CSMD3: variants seen among roughly 807,000 people sequenced by gnomAD.
CSMD3 encodes the protein CUB and Sushi multiple domains 3.
In CSMD3, 177 loss-of-function variants were observed where a neutral mutation model predicts 435.2. That is an observed-to-expected ratio of 0.41 (90% CI 0.36 to 0.46). CSMD3 has a LOEUF of 0.46. Ranked by LOEUF, CSMD3 falls within the 20% of genes least tolerant of loss-of-function variation. The pLI, the probability that CSMD3 is intolerant of heterozygous loss-of-function variation, is 0.34. For missense variants in CSMD3, 4,265 were observed against 4,504.6 expected (o/e 0.95, Z 1.52); for synonymous variants, 1,656 against 1,520.5 (o/e 1.09, Z -2.07).
chr8:112,620,956 G>A (rs1834021324), intron 22 of CSMD3, among the ~76,000 whole-genome samples: 1 of 152,152 alleles, frequency 6.6e-6, no homozygotes, highest in Non-Finnish European at 1.5e-5. Context: ...TATATGGCAG[G>A]CCAGGTGCAG....
chr8:113,136,641 A>G (rs541644250), intron 4 of CSMD3, among the ~76,000 whole-genome samples: 107 of 151,602 alleles, frequency 7.1e-4, no homozygotes, highest in Non-Finnish European at 1.2e-3. Flanking sequence ...AGAAACCAGG[A>G]TTTAGTAGAT....
intron 18 of CSMD3, among the ~76,000 whole-genome samples, chr8:112,652,130 C>A (rs750801350): frequency 8.5e-5 from 13 of 152,138 alleles, no homozygotes; most frequent in Non-Finnish European, 1.9e-4. Flanking sequence ...TCAAAGTCGT[C>A]ACCCTGAAAA....
At chr8:113,147,822 T>C (rs1256943035) in intron 4 of CSMD3, among the ~76,000 whole-genome samples, 2 of 151,676 alleles carry the variant, frequency 1.3e-5, no homozygotes, top group Non-Finnish European at 2.9e-5. Context: ...ATAACACTCA[T>C]GAATAACAAA....
chr8:112,998,208 A>G (rs2131054604), intron 6 of CSMD3, among the ~76,000 whole-genome samples: 1 of 152,006 alleles, frequency 6.6e-6, no homozygotes, highest in East Asian at 1.9e-4. Context: ...TTTAATGAAT[A>G]TTATTCAGTG....
intron 27 of CSMD3, among the ~76,000 whole-genome samples, chr8:112,540,843 A>G (rs146626501): frequency 3.3e-4 from 50 of 152,142 alleles, no homozygotes; most frequent in African/African-American, 1.2e-3. Flanking sequence ...CACAAATTCT[A>G]TTGTTCAATA....
chr8:112,484,629 A>G (rs1819943280), intron 31 of CSMD3, among the ~76,000 whole-genome samples: 1 of 152,056 alleles, frequency 6.6e-6, no homozygotes, highest in Non-Finnish European at 1.5e-5. Flanking sequence ...GTACAATGAG[A>G]ATCCATATGA....
intron 13 of CSMD3, among the ~76,000 whole-genome samples, chr8:112,722,870 T>G (rs1404208704): frequency 6.6e-6 from 1 of 152,180 alleles, no homozygotes; most frequent in African/African-American, 2.4e-5. Context: ...GATGACTCAC[T>G]TGTAACTGAA....
chr8:112,753,901 TG>T (rs938954533), intron 13 of CSMD3, among the ~76,000 whole-genome samples: 1 of 152,202 alleles, frequency 6.6e-6, no homozygotes, highest in Non-Finnish European at 1.5e-5. Flanking sequence ...TTTGTTTTTG[TG>T]GTCTTCATGA....
At chr8:113,167,348 A>G (rs2092172441) in intron 4 of CSMD3, among the ~76,000 whole-genome samples, 1 of 152,162 alleles carries the variant, frequency 6.6e-6, no homozygotes, top group Admixed American at 6.6e-5. Flanking sequence ...CATTTAATCT[A>G]ATTTCTTTAA....
chr8:113,242,260 C>T (rs1024740775), intron 3 of CSMD3, among the ~76,000 whole-genome samples: 1 of 151,718 alleles, frequency 6.6e-6, no homozygotes, highest in Non-Finnish European at 1.5e-5. Context: ...TACATTTTAC[C>T]TTAATGAACA....
intron 3 of CSMD3, among the ~76,000 whole-genome samples, chr8:113,238,648 C>A (rs1278708552): frequency 6.6e-6 from 1 of 152,140 alleles, no homozygotes; most frequent in Admixed American, 6.5e-5. Flanking sequence ...CTAAAGGACA[C>A]TTCCAGCTCG....
At chr8:112,287,036 A>T in intron 58 of CSMD3, 28 bp downstream of exon 58, 1 of 1,581,058 alleles carries the variant, frequency 6.3e-7, no homozygotes, top group East Asian at 2.2e-5. Flanking sequence ...CAGTAGTTGC[A>T]ATATATTTAA....
chr8:112,343,001 T>TTTATATATATATTTA (rs72258524), intron 41 of CSMD3, among the ~76,000 whole-genome samples: 9 of 109,676 alleles, frequency 8.2e-5, no homozygotes, highest in Admixed American at 4.9e-4. Flanking sequence ...ATATATATAT[T>TTTATATATATATTTA]TATATATATA....
In CSMD3 at chr8:112,855,822, T is replaced by TG. The variant is rs543938355; in HGVS notation, c.1755+3322_1755+3323insC. On this transcript the variant is annotated intron_variant, in intron 11 of 70. Transcript: ENST00000297405. ...GTCTTAGCGAAGCTTTTTTTTTTTT[T>TG]TTTCTTTGTCTCAAGATCTGTCCCT... is the stretch of plus-strand genomic sequence containing the variant. Among the ~76,000 whole-genome samples, 210 of 151,370 alleles carry TG rather than the reference T, an allele frequency of 1.4e-3. 2 individuals carry two copies. Among genetic ancestry groups the TG allele is most frequent in the Non-Finnish European group, 2.2e-3 (152 of 67,622 alleles).
intron 5 of CSMD3, 133 bp from the exon 6 acceptor site, chr8:113,019,312 A>G (rs2086593632): frequency 1.4e-6 from 1 of 690,100 alleles, no homozygotes; most frequent in East Asian, 2.7e-5. Flanking sequence ...GCACAAATGA[A>G]ATAGTTCTTT....
chr8:112,459,915 T>C (rs1002388345), intron 32 of CSMD3, among the ~76,000 whole-genome samples: 1 of 152,110 alleles, frequency 6.6e-6, no homozygotes, highest in East Asian at 1.9e-4. Context: ...TTGGCTGGAA[T>C]GTCCTTCTCC....
chr8:112,554,784 G>A (rs1827974526), intron 25 of CSMD3, among the ~76,000 whole-genome samples: 1 of 151,780 alleles, frequency 6.6e-6, no homozygotes, highest in Admixed American at 6.6e-5. Flanking sequence ...TCCAGCTATG[G>A]TGCCTCAAAA....
chr8:112,248,063 G>A (rs1165521308), intron 63 of CSMD3, among the ~76,000 whole-genome samples: 1 of 152,002 alleles, frequency 6.6e-6, no homozygotes, highest in African/African-American at 2.4e-5. Context: ...CAAATCACCA[G>A]AGTAATGTAC....
intron 56 of CSMD3, among the ~76,000 whole-genome samples, chr8:112,291,217 C>G (rs1015861937): frequency 1.3e-5 from 2 of 151,828 alleles, no homozygotes; most frequent in South Asian, 2.1e-4. Flanking sequence ...GTAGTTGCCT[C>G]TTACAGACGA....
Sources: gnomAD v4.1 joint callset for allele counts (sites outside exome capture counted in the v4.1 genomes callset) on GRCh38, gnomAD v4.1.1 for gene constraint, MANE v1.5 for transcripts, NCBI Gene and HGNC (gene_info 2026-07-23, HGNC 2026-07-21) for gene names.